The following SSR1 variants were observed in gnomAD, a reference collection of about 807,000 sequenced individuals.
SSR1 encodes the protein signal sequence receptor subunit 1, also known as translocon-associated protein subunit alpha.
Under a neutral mutation model 36.1 loss-of-function variants are expected in SSR1, and 13 were observed. The ratio of observed to expected loss-of-function variants is 0.36; its 90% CI spans 0.23 to 0.57. The LOEUF (loss-of-function observed/expected upper bound fraction) is 0.57, where lower values mean the gene tolerates loss of function less well. Among genes scored for constraint, SSR1 ranks in the 20% least tolerant of loss-of-function variants. SSR1 has a pLI of 0.81. For synonymous variants in SSR1, 113 were observed against 118.9 expected (o/e 0.95, Z 0.32); for missense variants, 291 against 338.5 (o/e 0.86, Z 1.10).
chr6:7,304,340 G>GC (rs1726748106), intron 2 of SSR1, among the ~76,000 whole-genome samples: 1 of 152,144 alleles, frequency 6.6e-6, no homozygotes, highest in Admixed American at 6.6e-5. Flanking sequence ...CAACTCTGGG[G>GC]CTACTGTGTG....
chr6:7,304,850 TAGATA>T (rs957917114), intron 2 of SSR1, among the ~76,000 whole-genome samples: 22 of 152,300 alleles, frequency 1.4e-4, no homozygotes, highest in African/African-American at 5.3e-4. Context: ...CTTCCTCCAA[TAGATA>T]AAACTTGTCA....
intron 6 of SSR1, among the ~76,000 whole-genome samples, chr6:7,295,744 A>G: frequency 6.6e-6 from 1 of 152,206 alleles, no homozygotes; most frequent in East Asian, 1.9e-4. Context: ...ATTCTCTTCT[A>G]GTCTTCCTAG....
chr6:7,310,251 G>A (rs1758161020), intron 1 of SSR1, among the ~76,000 whole-genome samples: 1 of 144,980 alleles, frequency 6.9e-6, no homozygotes, highest in Non-Finnish European at 1.5e-5. Context: ...TTAAGAGTCA[G>A]GGTCTTGCTC....
Position 7,298,960 on chromosome 6 carries a change from G to T in SSR1, c.544-137C>A, listed in dbSNP as rs894418590. 4 of 650,572 alleles carry T rather than the reference G, an allele frequency of 6.1e-6. No homozygotes were observed. The South Asian group carries it at 7.6e-5, about 12-fold the overall frequency. 40.3% of individuals were successfully genotyped at this position (650,572 alleles called of 1,614,324 possible). On this transcript the variant is annotated intron_variant, in intron 4 of 7. Transcript: ENST00000244763. ...CTTAGAAGACTCAACAAATTCATAT[G>T]TAACTGCAATATTCTGTGGCAGGGA...
intron 1 of SSR1, among the ~76,000 whole-genome samples, chr6:7,311,212 A>G (rs757438419): frequency 2.0e-5 from 3 of 152,232 alleles, no homozygotes; most frequent in East Asian, 1.9e-4. Context: ...GTACAGGTAT[A>G]ATGCAAAAAA....
chr6:7,299,387 A>T (rs900857409), intron 4 of SSR1, among the ~76,000 whole-genome samples: 1 of 152,196 alleles, frequency 6.6e-6, no homozygotes, highest in Non-Finnish European at 1.5e-5. Context: ...TCGGAACAAA[A>T]GTTAAATTCA....
At chr6:7,311,474 T>C (rs1758193645) in intron 1 of SSR1, among the ~76,000 whole-genome samples, 1 of 152,340 alleles carries the variant, frequency 6.6e-6, no homozygotes, top group African/African-American at 2.4e-5. Flanking sequence ...CTAAGATTTA[T>C]TGCAAAATAT....
rs1228234590 is a variant in SSR1 at position 7,282,323 on chromosome 6, A to G, written c.*7541T>C. On this transcript the variant is annotated 3_prime_UTR_variant, in exon 8 of 8. Coordinates refer to ENST00000244763, the MANE Select transcript of SSR1 (RefSeq NM_003144.5). ...AGAGATGGAAGCCAGGAGGTGTCCA[A>G]TTAGACGGGCACAAGAGAAAAACAG... The G allele has an allele frequency of 6.6e-6, 1 of 152,326 alleles. No individual in the cohort carries two copies. Among genetic ancestry groups the G allele is most frequent in the Non-Finnish European group, 1.5e-5 (1 of 68,128 alleles). The allele number at this position is 152,326 out of a possible 1,614,324, so 9.4% of individuals were successfully genotyped here.
At chr6:7,301,089 T>C (rs1440437858) in intron 4 of SSR1, among the ~76,000 whole-genome samples, 2 of 152,180 alleles carry the variant, frequency 1.3e-5, no homozygotes, top group Non-Finnish European at 2.9e-5. Context: ...TTATCTCTAG[T>C]ATGCATCACT....
At chr6:7,306,344 C>T (rs1306416277) in intron 2 of SSR1, among the ~76,000 whole-genome samples, 1 of 151,904 alleles carries the variant, frequency 6.6e-6, no homozygotes, top group East Asian at 2.0e-4. Flanking sequence ...AGGGTTTCAC[C>T]ATGTTAGCCA....
chr6:7,310,690 T>A (rs1468990042), intron 1 of SSR1, among the ~76,000 whole-genome samples: 1 of 151,910 alleles, frequency 6.6e-6, no homozygotes, highest in Non-Finnish European at 1.5e-5. Context: ...GAGGGTGAAT[T>A]ACTTGAGGCC....
intron 6 of SSR1, chr6:7,297,118 G>A: frequency 2.9e-6 from 1 of 348,852 alleles, no homozygotes; most frequent in Non-Finnish European, 5.7e-6. Flanking sequence ...TACTCAGGAA[G>A]CTGAGGTGGG....
At position 7,301,480 on chromosome 6, in the gene SSR1, G is replaced by A. The variant is rs1757931412; in HGVS notation, c.373C>T (p.Arg125Cys). The A allele has an allele frequency of 2.5e-6, 4 of 1,613,978 alleles. No individual in the cohort carries two copies. Among genetic ancestry groups the A allele is most frequent in the Non-Finnish European group, 3.4e-6 (4 of 1,180,034 alleles). The change falls in exon 4 of 8, where the codon CGT (arginine) becomes TGT (cysteine). Residue 125 changes from arginine to cysteine, a missense_variant. Coordinates refer to ENST00000244763, the MANE Select transcript of SSR1 (RefSeq NM_003144.5). ...TAAAACTGGTAGTCCTGAGGATAACGGAATGAGGCATCTAAGGATTCAACA... is the reference window on the plus strand; with the variant it reads ...TAAAACTGGTAGTCCTGAGGATAACAGAATGAGGCATCTAAGGATTCAACA... ...FIVESLDASF[R>C]YPQDYQFYIQ...
chr6:7,311,010 G>A (rs1471141699), intron 1 of SSR1, among the ~76,000 whole-genome samples: 2 of 152,200 alleles, frequency 1.3e-5, no homozygotes, highest in South Asian at 2.1e-4. Flanking sequence ...TCTTAGAACT[G>A]GATAGTTTGT....
At chr6:7,293,112 C>T (rs1031633382) in intron 7 of SSR1, among the ~76,000 whole-genome samples, 8 of 151,906 alleles carry the variant, frequency 5.3e-5, no homozygotes, top group African/African-American at 1.5e-4. Flanking sequence ...ACTGAGGAAC[C>T]GGTGGATACA....
chr6:7,305,914 A>G (rs1233583179), intron 2 of SSR1, among the ~76,000 whole-genome samples: 1 of 152,226 alleles, frequency 6.6e-6, no homozygotes, highest in Non-Finnish European at 1.5e-5. Context: ...GCTATTCAGC[A>G]TGTAAGATGT....
chr6:7,300,729 G>A (rs528464270), intron 4 of SSR1, among the ~76,000 whole-genome samples: 7 of 152,044 alleles, frequency 4.6e-5, no homozygotes, highest in Middle Eastern at 3.2e-3. Flanking sequence ...TGCAACCTCC[G>A]CCTCCCAGGT....
intron 3 of SSR1, 87 bp from the exon 4 acceptor site, chr6:7,301,659 C>T (rs1757936979): frequency 1.5e-6 from 2 of 1,377,358 alleles, no homozygotes; most frequent in African/African-American, 1.5e-5. Flanking sequence ...GATTCTGGCA[C>T]CCTTTCCTGT....
Position 7,283,961 on chromosome 6 carries a change from A to G in SSR1, c.*5903T>C, listed in dbSNP as rs1397680043. The G allele has an allele frequency of 2.6e-5, 4 of 152,248 alleles. No individual in the cohort carries two copies. The highest frequency in any genetic ancestry group is 1.5e-5 in the Non-Finnish European group (1 of 68,052). 9.4% of individuals were successfully genotyped at this position (152,248 alleles called of 1,614,324 possible). Reference sequence around the variant, plus strand: ...AAGGTTACCTAGGGCAGTTGTGAAGATGAAATGAGGATGTGTGTGGAAGGG... The same window carrying G: ...AAGGTTACCTAGGGCAGTTGTGAAGGTGAAATGAGGATGTGTGTGGAAGGG... On this transcript the variant is annotated 3_prime_UTR_variant, in exon 8 of 8. Transcript: ENST00000244763.
Sources: allele counts gnomAD v4.1 joint callset (sites outside exome capture counted in the v4.1 genomes callset), GRCh38; gene constraint gnomAD v4.1.1; transcripts MANE v1.5; gene names NCBI Gene and HGNC (gene_info 2026-07-23, HGNC 2026-07-21).